PTPRD: variants seen among roughly 807,000 people sequenced by gnomAD.
The protein encoded by PTPRD is receptor-type tyrosine-protein phosphatase delta.
A neutral mutation model predicts 214.5 loss-of-function variants in PTPRD; 34 were observed. The ratio of observed to expected loss-of-function variants is 0.16; its 90% CI spans 0.12 to 0.21. PTPRD has a LOEUF of 0.21. PTPRD is among the 10% of genes least tolerant of loss of function. PTPRD has a pLI of 1.00. For missense variants in PTPRD, 2,545 were observed against 2,398.7 expected (o/e 1.06, Z -1.27); for synonymous variants, 1,128 against 845.7 (o/e 1.33, Z -5.79).
At chr9:9,691,456 T>C (rs1026300143) in intron 7 of PTPRD, among the ~76,000 whole-genome samples, 1 of 152,046 alleles carries the variant, frequency 6.6e-6, no homozygotes, top group Non-Finnish European at 1.5e-5. Flanking sequence ...TTGTTGCAAA[T>C]GACAGAATCT....
intron 12 of PTPRD, among the ~76,000 whole-genome samples, chr9:8,649,826 G>T (rs887081807): frequency 1.3e-5 from 2 of 152,062 alleles, no homozygotes; most frequent in African/African-American, 4.8e-5. Flanking sequence ...AATATTAGAT[G>T]ATTCCAATGA....
intron 2 of PTPRD, among the ~76,000 whole-genome samples, chr9:10,598,518 C>A (rs564550710): frequency 6.6e-6 from 1 of 151,838 alleles, no homozygotes; most frequent in Non-Finnish European, 1.5e-5. Context: ...CAGTCACATT[C>A]CTTATTGCAC....
At chr9:9,661,168 C>A (rs963185529) in intron 7 of PTPRD, among the ~76,000 whole-genome samples, 2 of 151,806 alleles carry the variant, frequency 1.3e-5, no homozygotes, top group Admixed American at 1.3e-4. Context: ...AGAGGCTATG[C>A]AAATTTTCTA....
At chr9:9,138,837 CT>C (rs1569551528) in intron 10 of PTPRD, among the ~76,000 whole-genome samples, 1 of 151,822 alleles carries the variant, frequency 6.6e-6, no homozygotes, top group Non-Finnish European at 1.5e-5. Flanking sequence ...AAATTAGGCC[CT>C]TTTATGTTTA....
At chr9:9,019,464 G>C (rs1240337237) in intron 10 of PTPRD, among the ~76,000 whole-genome samples, 4 of 152,160 alleles carry the variant, frequency 2.6e-5, no homozygotes, top group Non-Finnish European at 5.9e-5. Flanking sequence ...CAGGACTTGG[G>C]GAGGCCAAGG....
intron 14 of PTPRD, among the ~76,000 whole-genome samples, chr9:8,579,991 C>T (rs2092899637): frequency 6.6e-6 from 1 of 152,156 alleles, no homozygotes. Context: ...TGGGTGGTAG[C>T]TATGAACATT....
chr9:9,698,860 A>G (rs1310444794), intron 7 of PTPRD, among the ~76,000 whole-genome samples: 2 of 152,200 alleles, frequency 1.3e-5, no homozygotes, highest in East Asian at 1.9e-4. Context: ...GCCTAACAAC[A>G]TAGCCTAACT....
chr9:9,356,787 G>C (rs1322347071), intron 9 of PTPRD, among the ~76,000 whole-genome samples: 2 of 151,276 alleles, frequency 1.3e-5, no homozygotes, highest in Non-Finnish European at 3.0e-5. Flanking sequence ...TTATGAAAAA[G>C]AAATACATTC....
intron 3 of PTPRD, among the ~76,000 whole-genome samples, chr9:10,203,165 C>T (rs1437270608): frequency 6.8e-6 from 1 of 146,290 alleles, no homozygotes; most frequent in East Asian, 2.0e-4. Flanking sequence ...TTCTCCCTCT[C>T]TCTCTTTTTT....
rs2096486634 is a variant in PTPRD at position 10,006,801 on chromosome 9, A to G, written c.-472+26917T>C. ...CAAAGACTTACTACAATCTAGATATATTCTATTGACAACTTTCTTCCATTC... is the reference window on the plus strand; with the variant it reads ...CAAAGACTTACTACAATCTAGATATGTTCTATTGACAACTTTCTTCCATTC... On this transcript the variant is annotated intron_variant, in intron 4 of 45. Coordinates refer to ENST00000381196, the MANE Select transcript of PTPRD (RefSeq NM_002839.4). 3.3e-5 allele frequency among the ~76,000 whole-genome samples: 5 copies of G among 151,944 alleles called. 1 individual carries two copies. In the South Asian group the frequency reaches 1.0e-3, roughly 31 times the overall value.
intron 11 of PTPRD, among the ~76,000 whole-genome samples, chr9:8,821,668 G>A (rs2097067370): frequency 6.6e-6 from 1 of 152,076 alleles, no homozygotes; most frequent in African/African-American, 2.4e-5. Flanking sequence ...CATCCAATAA[G>A]TTCCTTCAAC....
intron 33 of PTPRD, among the ~76,000 whole-genome samples, chr9:8,452,810 G>A (rs1564915464): frequency 6.6e-6 from 1 of 152,096 alleles, no homozygotes; most frequent in Non-Finnish European, 1.5e-5. Flanking sequence ...GGGGTATTTT[G>A]CTTTCACCAG....
chr9:8,413,223 T>A (rs764226596), intron 35 of PTPRD, among the ~76,000 whole-genome samples: 2 of 152,220 alleles, frequency 1.3e-5, no homozygotes, highest in African/African-American at 2.4e-5. Context: ...TTGCTTGTCA[T>A]TTAACAGAAA....
chr9:9,054,052 C>T (rs1322334688), intron 10 of PTPRD, among the ~76,000 whole-genome samples: 1 of 152,064 alleles, frequency 6.6e-6, no homozygotes, highest in Non-Finnish European at 1.5e-5. Context: ...ACAATGATAA[C>T]AATTAAAGTC....
chr9:8,947,513 T>C (rs1163626963), intron 11 of PTPRD, among the ~76,000 whole-genome samples: 4 of 148,744 alleles, frequency 2.7e-5, no homozygotes, highest in East Asian at 3.9e-4. Flanking sequence ...TATGGTAAGG[T>C]CTGAGTGTTA....
chr9:8,398,677 T>C (rs2091775681), intron 36 of PTPRD, among the ~76,000 whole-genome samples: 1 of 152,136 alleles, frequency 6.6e-6, no homozygotes, highest in African/African-American at 2.4e-5. Flanking sequence ...AAGTTTGCCC[T>C]TTTTCTATCG....
chr9:9,064,415 C>T (rs568342369), intron 10 of PTPRD, among the ~76,000 whole-genome samples: 1 of 152,080 alleles, frequency 6.6e-6, no homozygotes, highest in Admixed American at 6.5e-5. Context: ...AATCATTGTC[C>T]CATGATGTCT....
chr9:10,548,342 A>T (rs2060586566), intron 2 of PTPRD, among the ~76,000 whole-genome samples: 2 of 152,094 alleles, frequency 1.3e-5, no homozygotes, highest in Non-Finnish European at 2.9e-5. Flanking sequence ...ACACAGAAGG[A>T]GATACTCTCT....
chr9:8,989,052 G>C (rs912373129), intron 11 of PTPRD, among the ~76,000 whole-genome samples: 1 of 151,940 alleles, frequency 6.6e-6, no homozygotes, highest in Non-Finnish European at 1.5e-5. Context: ...GTCACACTCA[G>C]GATTTCAACT....
Sources: allele counts gnomAD v4.1 joint callset (sites outside exome capture counted in the v4.1 genomes callset), GRCh38; gene constraint gnomAD v4.1.1; transcripts MANE v1.5; gene names NCBI Gene and HGNC (gene_info 2026-07-23, HGNC 2026-07-21).